Variants in CNR2 observed in about 807,000 individuals in gnomAD.
The protein encoded by CNR2 is cannabinoid receptor 2.
For synonymous variants in CNR2, 172 were observed against 182.2 expected, an observed-to-expected ratio of 0.94 and a Z score of 0.45; for missense variants, 379 against 439.9, an observed-to-expected ratio of 0.86 and a Z score of 1.24.
At chr1:23,906,697 A>G (rs879667478) in intron 1 of CNR2, among the ~76,000 whole-genome samples, 5 of 151,468 alleles carry the variant, frequency 3.3e-5, no homozygotes, top group Non-Finnish European at 7.4e-5. Context: ...ATACTTCTTA[A>G]AAGTAATTTT....
chr1:23,889,098 G>C (rs1446688637), intron 1 of CNR2, among the ~76,000 whole-genome samples: 2 of 152,180 alleles, frequency 1.3e-5, no homozygotes, highest in African/African-American at 2.4e-5. Flanking sequence ...GAGCGTCCAT[G>C]GTGGGGCTGG....
rs1639833353 is a variant in CNR2 at position 23,874,649 on chromosome 1, G to A, written c.969C>T (p.Gly323=). ...CTTCTTCTTTTGCCTCTGACCCAAG[G>A]CCCCTCACACACTTCTTCCAGTGAG... is the stretch of plus-strand genomic sequence containing the variant. ...CLAHWKKCVR[G]LGSEAKEEAP... The change falls in exon 2 of 2, where the codon GGC becomes GGT. Residue 323 remains glycine (G), a synonymous_variant. Transcript: ENST00000374472. The A allele has an allele frequency of 8.1e-6, 13 of 1,614,012 alleles. No homozygotes were observed. The highest frequency in any genetic ancestry group is 1.1e-5 in the South Asian group (1 of 91,076).
chr1:23,901,723 C>A lies in CNR2; in HGVS notation c.-46+11523G>T. The A allele has an allele frequency of 2.1e-6, 3 of 1,418,726 alleles. No homozygotes were observed. The South Asian group carries it at 3.5e-5, about 16-fold the overall frequency. 87.9% of individuals were successfully genotyped at this position (1,418,726 alleles called of 1,614,324 possible). ...TGGATCTGTCCGACATGAATTTGGT[C>A]AGATTCTGAGCCAGAACTACCCCAA... On this transcript the variant is annotated intron_variant, in intron 1 of 1. Transcript: ENST00000374472.
At chr1:23,912,484 C>T (rs1004769735) in intron 1 of CNR2, among the ~76,000 whole-genome samples, 30 of 152,240 alleles carry the variant, frequency 2.0e-4, no homozygotes, top group African/African-American at 6.3e-4. Context: ...GGGTGGGCCG[C>T]GAAGCCGGAG....
chr1:23,905,914 G>C (rs1257718958), intron 1 of CNR2, among the ~76,000 whole-genome samples: 1 of 152,248 alleles, frequency 6.6e-6, no homozygotes, highest in South Asian at 2.1e-4. Flanking sequence ...GCGGGATCAC[G>C]GGACACTCTA....
In CNR2 at chr1:23,874,912, G is replaced by C. The variant is rs199945476; in HGVS notation, c.706C>G (p.Arg236Gly). 6.2e-7 allele frequency: 1 copy of C among 1,613,714 alleles called. No individual in the cohort carries two copies. The highest frequency in any genetic ancestry group is 1.1e-5 in the South Asian group (1 of 91,034). ...HQDRQVPGMA[R>G]MRLDVRLAKT... ...GCCAACCTCACATCCAGCCTCATTCGGGCCATTCCTGGCACCTGCCTGTCC... is the reference window on the plus strand; with the variant it reads ...GCCAACCTCACATCCAGCCTCATTCCGGCCATTCCTGGCACCTGCCTGTCC... The change falls in exon 2 of 2, where the codon CGA becomes GGA. Residue 236 changes from arginine to glycine, a missense_variant. Physicochemically the swap from Arg to Gly is moderately radical, Grantham distance 125 (BLOSUM62 -2). Coordinates refer to ENST00000374472, the MANE Select transcript of CNR2 (RefSeq NM_001841.3).
intron 1 of CNR2, among the ~76,000 whole-genome samples, chr1:23,877,887 G>A (rs948104272): frequency 1.3e-4 from 20 of 152,018 alleles, no homozygotes; most frequent in African/African-American, 3.4e-4. Flanking sequence ...CTTGAACCCC[G>A]GATGCAAAGA....
In CNR2 at chr1:23,878,713, A is replaced by C. The variant is rs931178065; in HGVS notation, c.-45-3051T>G. Among the ~76,000 whole-genome samples the C allele has an allele frequency of 4.6e-5, 7 of 152,224 alleles. No individual in the cohort carries two copies. In the East Asian group the frequency reaches 1.3e-3, roughly 29 times the overall value. On this transcript the variant is annotated intron_variant, in intron 1 of 1. Transcript: ENST00000374472. ...ATTTTTAAAAACACATTCCATGTTC[A>C]TGTATATCATATAGCATACATATCA...
chr1:23,910,081 T>C (rs1347978109), intron 1 of CNR2, among the ~76,000 whole-genome samples: 1 of 151,500 alleles, frequency 6.6e-6, no homozygotes, highest in Non-Finnish European at 1.5e-5. Context: ...CCTGAGTAGC[T>C]GGGACCACAG....
chr1:23,891,530 A>G (rs1350146312), intron 1 of CNR2, among the ~76,000 whole-genome samples: 5 of 150,132 alleles, frequency 3.3e-5, no homozygotes, highest in African/African-American at 1.2e-4. Context: ...GAGGCAGGAG[A>G]ATTGCTTGAA....
Position 23,906,503 on chromosome 1 carries a change from CTAACT to C in CNR2, c.-46+6738_-46+6742del, listed in dbSNP as rs1469890835. Among the ~76,000 whole-genome samples, 40 of 120,934 alleles carry C rather than the reference CTAACT, an allele frequency of 3.3e-4. No individual in the cohort carries two copies. In the East Asian group the frequency reaches 4.0e-3, roughly 12 times the overall value. 79.3% of individuals were successfully genotyped at this position (120,934 alleles called of 152,430 possible). On this transcript the variant is annotated intron_variant, in intron 1 of 1. Transcript: ENST00000374472. ...TAAGTGTATTGTTTAAAATTTTTCT[CTAACT>C]TTTTTTTTTTGTTTTCCTATCTTTC...
chr1:23,881,358 A>G (rs1639984531), intron 1 of CNR2, among the ~76,000 whole-genome samples: 1 of 151,942 alleles, frequency 6.6e-6, no homozygotes, highest in African/African-American at 2.4e-5. Flanking sequence ...ACACTTTGAG[A>G]GGCCGAGGCG....
At chr1:23,877,916 G>A (rs938529449) in intron 1 of CNR2, among the ~76,000 whole-genome samples, 5 of 150,750 alleles carry the variant, frequency 3.3e-5, no homozygotes, top group South Asian at 2.1e-4. Context: ...AGCTGAGATC[G>A]CACCACTGCA....
At chr1:23,881,654 C>T (rs531051435) in intron 1 of CNR2, among the ~76,000 whole-genome samples, 127 of 151,724 alleles carry the variant, frequency 8.4e-4, no homozygotes, top group African/African-American at 2.9e-3. Flanking sequence ...CTTTGGAGGC[C>T]GAGGCGGGCG....
At chr1:23,887,940 C>T (rs2501385) in intron 1 of CNR2, among the ~76,000 whole-genome samples, 128,667 of 152,066 alleles carry the variant, frequency 0.85, 54,536 homozygotes, top group Admixed American at 0.86. Context: ...TAAACTCCTG[C>T]TTCTTTCTCC....
At chr1:23,890,403 C>T (rs1640168788) in intron 1 of CNR2, among the ~76,000 whole-genome samples, 1 of 151,942 alleles carries the variant, frequency 6.6e-6, no homozygotes, top group Admixed American at 6.6e-5. Context: ...CCACTGAGGA[C>T]AAACCACCAC....
chr1:23,881,705 G>A (rs953286541), intron 1 of CNR2, among the ~76,000 whole-genome samples: 9 of 151,316 alleles, frequency 5.9e-5, no homozygotes, highest in South Asian at 2.1e-4. Context: ...CCTGACCAAC[G>A]TGAAGAAACC....
chr1:23,884,550 C>A (rs1640054384), intron 1 of CNR2, among the ~76,000 whole-genome samples: 1 of 151,694 alleles, frequency 6.6e-6, no homozygotes, highest in African/African-American at 2.4e-5. Flanking sequence ...AAATGATCCA[C>A]CCGATTCAGC....
chr1:23,902,478 G>A, intron 1 of CNR2: 4 of 1,602,856 alleles, frequency 2.5e-6, no homozygotes, highest in Non-Finnish European at 2.6e-6. Context: ...CACCGTATCC[G>A]CTTCCAGATC....
Sources: allele counts gnomAD v4.1 joint callset (sites outside exome capture counted in the v4.1 genomes callset), GRCh38; gene constraint gnomAD v4.1.1; transcripts MANE v1.5; gene names NCBI Gene and HGNC (gene_info 2026-07-23, HGNC 2026-07-21).